The following PIBF1 variants were observed in gnomAD, a reference collection of about 807,000 sequenced individuals.
PIBF1 encodes progesterone immunomodulatory binding factor 1.
In PIBF1, 90 loss-of-function variants were observed where a neutral mutation model predicts 112.5. The ratio of observed to expected loss-of-function variants is 0.80; its 90% CI spans 0.67 to 0.95. The LOEUF is 0.95. PIBF1 is among the 40% of genes least tolerant of loss of function. The pLI, the probability that PIBF1 is intolerant of heterozygous loss-of-function variation, is 0.00. For synonymous variants in PIBF1, 301 were observed against 288.6 expected (o/e 1.04, Z -0.44); for missense variants, 915 against 852.3 (o/e 1.07, Z -0.92).
chr13:72,815,982 A>G (rs1398304794), intron 5 of PIBF1, among the ~76,000 whole-genome samples: 1 of 152,212 alleles, frequency 6.6e-6, no homozygotes, highest in Non-Finnish European at 1.5e-5. Flanking sequence ...TGGTTCAATC[A>G]TATTTGGGTC....
At chr13:72,993,762 A>AG (rs2043556529) in intron 16 of PIBF1, among the ~76,000 whole-genome samples, 1 of 151,468 alleles carries the variant, frequency 6.6e-6, no homozygotes, top group South Asian at 2.1e-4. Flanking sequence ...AAAAAAAAAA[A>AG]GAATCAGGAT....
At chr13:72,905,876 T>TA (rs1355335119) in intron 11 of PIBF1, among the ~76,000 whole-genome samples, 1 of 152,186 alleles carries the variant, frequency 6.6e-6, no homozygotes, top group Non-Finnish European at 1.5e-5. Flanking sequence ...TTCTGGTTGT[T>TA]AAAACTGAGG....
At chr13:72,813,407 T>G (rs1231789419) in intron 5 of PIBF1, among the ~76,000 whole-genome samples, 10 of 152,322 alleles carry the variant, frequency 6.6e-5, no homozygotes, top group Admixed American at 6.5e-4. Context: ...TACGTATTGC[T>G]GCATAACAAA....
chr13:72,824,067 G>T (rs949800304), intron 6 of PIBF1, among the ~76,000 whole-genome samples: 3 of 152,102 alleles, frequency 2.0e-5, no homozygotes, highest in Non-Finnish European at 4.4e-5. Context: ...AGGCTGGAGT[G>T]CAATGGCACG....
At position 72,960,944 on chromosome 13, in the gene PIBF1, G is replaced by A. The variant is rs115242461; in HGVS notation, c.1834-4330G>A. 5.4e-3 allele frequency among the ~76,000 whole-genome samples: 815 copies of A among 151,214 alleles called. 15 individuals are homozygous for A. Among genetic ancestry groups the A allele is most frequent in the African/African-American group, 0.019 (763 of 41,242 alleles). On this transcript the variant is annotated intron_variant, in intron 14 of 17. Coordinates refer to ENST00000326291, the MANE Select transcript of PIBF1 (RefSeq NM_006346.4). Reference sequence around the variant, plus strand: ...ACCCAAACTATAGAAGCTATTCATGGTATTTTTTTCTTTATGGCTCCACTT... The same window carrying A: ...ACCCAAACTATAGAAGCTATTCATGATATTTTTTTCTTTATGGCTCCACTT...
intron 9 of PIBF1, among the ~76,000 whole-genome samples, chr13:72,849,915 CAATT>C (rs1203904387): frequency 6.6e-6 from 1 of 152,136 alleles, no homozygotes; most frequent in East Asian, 1.9e-4. Flanking sequence ...ATTGTTGTGA[CAATT>C]AAATGAGTTG....
intron 12 of PIBF1, among the ~76,000 whole-genome samples, chr13:72,909,230 C>T (rs2040813589): frequency 6.6e-6 from 1 of 152,114 alleles, no homozygotes. Context: ...ATCAAATTCA[C>T]TTACTCCAGA....
intron 14 of PIBF1, among the ~76,000 whole-genome samples, chr13:72,962,699 ATAC>A (rs2042638360): frequency 6.6e-6 from 1 of 152,200 alleles, no homozygotes; most frequent in Non-Finnish European, 1.5e-5. Context: ...TAGGATGATA[ATAC>A]TACCCAAAAC....
rs527894351 is a variant in PIBF1, at chr13:72,785,138, A to G, written c.252+1417A>G. On this transcript the variant is annotated intron_variant, in intron 2 of 17. Transcript: ENST00000326291. ...AAGGCCCCAACTTCCTGCTACTCAC[A>G]TTGGTGATTAGGTTTCAATATACAA... Among the ~76,000 whole-genome samples the G allele has an allele frequency of 7.9e-5, 12 of 152,198 alleles. No homozygotes were observed. The South Asian group carries it at 2.3e-3, about 29-fold the overall frequency.
intron 5 of PIBF1, among the ~76,000 whole-genome samples, chr13:72,804,146 A>C (rs1015594070): frequency 1.3e-5 from 2 of 152,170 alleles, no homozygotes; most frequent in Admixed American, 1.3e-4. Flanking sequence ...CAATGGTGTC[A>C]TTAATTTTAA....
chr13:72,798,162 A>C, intron 5 of PIBF1, 136 bp downstream of exon 5: 1 of 827,226 alleles, frequency 1.2e-6, no homozygotes, highest in Non-Finnish European at 1.8e-6. Flanking sequence ...CAGTTCAATA[A>C]TGGGAAGGAG....
intron 14 of PIBF1, among the ~76,000 whole-genome samples, chr13:72,946,065 A>G (rs2042141060): frequency 6.6e-6 from 1 of 152,072 alleles, no homozygotes; most frequent in Non-Finnish European, 1.5e-5. Context: ...TGGCAAGTGT[A>G]TTAGTCCGTT....
intron 11 of PIBF1, among the ~76,000 whole-genome samples, chr13:72,899,612 A>G (rs957700340): frequency 2.0e-5 from 3 of 152,202 alleles, no homozygotes; most frequent in African/African-American, 7.2e-5. Context: ...CCTTAACATC[A>G]TAAAAGCCAT....
intron 5 of PIBF1, among the ~76,000 whole-genome samples, chr13:72,821,031 G>A (rs2036535161): frequency 6.6e-6 from 1 of 152,172 alleles, no homozygotes; most frequent in Admixed American, 6.6e-5. Context: ...TAATGTGATG[G>A]TAATGATACA....
At chr13:72,995,083 T>C (rs1221725391) in intron 16 of PIBF1, among the ~76,000 whole-genome samples, 1 of 151,892 alleles carries the variant, frequency 6.6e-6, no homozygotes, top group East Asian at 1.9e-4. Flanking sequence ...GGGTGAATCA[T>C]GAGGTCAGGA....
chr13:73,002,750 G>A (rs760679813), intron 17 of PIBF1, among the ~76,000 whole-genome samples: 32 of 152,024 alleles, frequency 2.1e-4, no homozygotes, highest in Non-Finnish European at 3.5e-4. Flanking sequence ...TTGAGAGGCC[G>A]AGGCAGACGG....
At chr13:72,930,254 T>G (rs2041658936) in intron 13 of PIBF1, among the ~76,000 whole-genome samples, 1 of 152,214 alleles carries the variant, frequency 6.6e-6, no homozygotes, top group Non-Finnish European at 1.5e-5. Flanking sequence ...ATGATTTTAT[T>G]TAAAGCACAG....
intron 10 of PIBF1, among the ~76,000 whole-genome samples, chr13:72,875,687 C>T (rs1431906874): frequency 2.6e-5 from 4 of 152,156 alleles, no homozygotes; most frequent in African/African-American, 7.2e-5. Flanking sequence ...TTCCTGATGA[C>T]ATATGATGCA....
At chr13:72,974,785 C>T (rs1594299927) in intron 16 of PIBF1, among the ~76,000 whole-genome samples, 1 of 152,134 alleles carries the variant, frequency 6.6e-6, no homozygotes, top group Admixed American at 6.5e-5. Flanking sequence ...TTAATATAAA[C>T]AAAAGTTTCC....
Sources: allele counts gnomAD v4.1 joint callset (sites outside exome capture counted in the v4.1 genomes callset), GRCh38; gene constraint gnomAD v4.1.1; transcripts MANE v1.5; gene names NCBI Gene and HGNC (gene_info 2026-07-23, HGNC 2026-07-21).